The following CEP63 variants were observed in gnomAD, a reference collection of about 807,000 sequenced individuals.
CEP63 encodes centrosomal protein of 63 kDa.
Under a neutral mutation model 89.1 loss-of-function variants are expected in CEP63, and 84 were observed. The ratio of observed to expected loss-of-function variants is 0.94; its 90% CI spans 0.79 to 1.13. CEP63 has a LOEUF of 1.13. Among genes scored for constraint, CEP63 ranks in the 50% most tolerant of loss-of-function variants. The pLI is 0.00. For synonymous variants in CEP63, 267 were observed against 272.5 expected (o/e 0.98, Z 0.20); for missense variants, 838 against 813.3 (o/e 1.03, Z -0.37).
chr3:134,657,174 C>T, the CEP63 span, among the ~76,000 whole-genome samples: 10 of 152,192 alleles, frequency 6.6e-5, no homozygotes, highest in South Asian at 2.1e-4. Context: ...ATGGCGGCAG[C>T]GAAAGGCAAT....
At chr3:134,486,617 C>A in intron 1 of CEP63, 1 of 885,094 alleles carries the variant, frequency 1.1e-6, no homozygotes, top group Non-Finnish European at 1.4e-6. Context: ...TCCTTTTCAG[C>A]GGAGAGACCC....
intron 3 of CEP63, 47 bp downstream of exon 3, chr3:134,507,333 T>G: frequency 2.2e-6 from 3 of 1,392,114 alleles, no homozygotes; most frequent in East Asian, 2.3e-5. Flanking sequence ...TATCTTGTCT[T>G]TTATATTAAA....
chr3:134,699,956 G>T, the CEP63 span, among the ~76,000 whole-genome samples: 9 of 152,224 alleles, frequency 5.9e-5, no homozygotes, highest in African/African-American at 2.2e-4. Context: ...TCAAGGCTGG[G>T]CTCGTGGTGA....
intron 2 of CEP63, among the ~76,000 whole-genome samples, chr3:134,499,485 A>G (rs1405027748): frequency 1.3e-5 from 2 of 150,782 alleles, no homozygotes; most frequent in Admixed American, 1.3e-4. Flanking sequence ...GATTCTTTGT[A>G]TTGTTTTTTA....
intron 3 of CEP63, among the ~76,000 whole-genome samples, chr3:134,513,513 G>T (rs1447888254): frequency 6.6e-6 from 1 of 152,172 alleles, no homozygotes; most frequent in Non-Finnish European, 1.5e-5. Flanking sequence ...ATGCTATCAG[G>T]ATGGTGAACA....
upstream of CEP63, chr3:134,485,876 G>A (rs551577083): frequency 8.1e-5 from 43 of 530,296 alleles, no homozygotes; most frequent in South Asian, 3.2e-3. Context: ...ATGGGAATAG[G>A]GGGAAGTCCG....
the CEP63 span, among the ~76,000 whole-genome samples, chr3:134,653,162 T>C: frequency 6.6e-6 from 1 of 152,214 alleles, no homozygotes; most frequent in African/African-American, 2.4e-5. Flanking sequence ...TCCTTGGCGC[T>C]ATTGACATTT....
At chr3:134,732,220 TA>T in the CEP63 span, among the ~76,000 whole-genome samples, 1 of 152,166 alleles carries the variant, frequency 6.6e-6, no homozygotes, top group African/African-American at 2.4e-5. Context: ...CCTGTATACA[TA>T]ATACTTCAGG....
At chr3:134,531,975 A>G (rs2109050859) in intron 4 of CEP63, 35 bp downstream of exon 4, 1 of 1,449,602 alleles carries the variant, frequency 6.9e-7, no homozygotes, top group South Asian at 1.1e-5. Context: ...TTGTGTGTGT[A>G]GTTCTCTCTC....
chr3:134,665,848 C>T, the CEP63 span, among the ~76,000 whole-genome samples: 6 of 150,568 alleles, frequency 4.0e-5, no homozygotes, highest in Non-Finnish European at 7.4e-5. Flanking sequence ...GGAAAGATAG[C>T]CAGAGGAAGG....
chr3:134,512,569 A>G lies in CEP63; in HGVS notation c.222+5283A>G, dbSNP rs1373937883. Among the ~76,000 whole-genome samples, 15 of 152,218 alleles carry G rather than the reference A, an allele frequency of 9.9e-5. 1 individual carries two copies. The highest frequency in any genetic ancestry group is 9.8e-4 in the Admixed American group (15 of 15,284). ...TTCTACAAGGCTCATAAGAAAAAAT[A>G]GTAATCTTCCCCACCCCTCTGAACC... On this transcript the variant is annotated intron_variant, in intron 3 of 14. Transcript: ENST00000675561.
the CEP63 span, among the ~76,000 whole-genome samples, chr3:134,641,848 A>G: frequency 6.6e-6 from 1 of 152,154 alleles, no homozygotes; most frequent in South Asian, 2.1e-4. Flanking sequence ...TGTCAGCTCC[A>G]CAAGGACAGG....
At chr3:134,696,133 T>G in the CEP63 span, among the ~76,000 whole-genome samples, 1 of 152,212 alleles carries the variant, frequency 6.6e-6, no homozygotes, top group Admixed American at 6.5e-5. Context: ...TTAGTCTACC[T>G]TGCCACCCTT....
chr3:134,774,179 G>A, the CEP63 span, among the ~76,000 whole-genome samples: 4 of 152,150 alleles, frequency 2.6e-5, no homozygotes, highest in Non-Finnish European at 4.4e-5. Flanking sequence ...TGTCCCCTAT[G>A]TGGCTGATGT....
chr3:134,660,034 G>A, the CEP63 span, among the ~76,000 whole-genome samples: 1 of 152,236 alleles, frequency 6.6e-6, no homozygotes, highest in African/African-American at 2.4e-5. Context: ...TTATTAAGTT[G>A]GAAAGGATGA....
the CEP63 span, among the ~76,000 whole-genome samples, chr3:134,709,265 G>C: frequency 2.0e-5 from 3 of 152,062 alleles, no homozygotes; most frequent in African/African-American, 7.2e-5. Flanking sequence ...GTCCCAGTTT[G>C]GCAACTTCAG....
At chr3:134,565,739 A>G (rs1957727518), downstream of CEP63, among the ~76,000 whole-genome samples, 1 of 152,084 alleles carries the variant, frequency 6.6e-6, no homozygotes, top group Non-Finnish European at 1.5e-5. Flanking sequence ...AGCAGAGGAG[A>G]AAACATTTAC....
At chr3:134,545,444 T>G (rs1953066949) in intron 6 of CEP63, 142 bp from the exon 7 acceptor site, 4 of 641,974 alleles carry the variant, frequency 6.2e-6, no homozygotes, top group Non-Finnish European at 1.0e-5. Flanking sequence ...AATTCTTTCT[T>G]ACCCCTTCGC....
chr3:134,693,336 A>G, the CEP63 span, among the ~76,000 whole-genome samples: 10 of 152,292 alleles, frequency 6.6e-5, no homozygotes, highest in Middle Eastern at 6.8e-3. Context: ...CAAGAGCCAT[A>G]CCTGGAGATA....
Sources: gnomAD v4.1 joint callset for allele counts (sites outside exome capture counted in the v4.1 genomes callset) on GRCh38, gnomAD v4.1.1 for gene constraint, MANE v1.5 for transcripts, NCBI Gene and HGNC (gene_info 2026-07-23, HGNC 2026-07-21) for gene names.